KCNIP4: variants seen among roughly 807,000 people sequenced by gnomAD.
The protein encoded by KCNIP4 is Kv channel-interacting protein 4.
KCNIP4 carries 12 observed loss-of-function variants against 34.0 expected under a neutral mutation model. That is an observed-to-expected ratio of 0.35 (90% CI 0.23 to 0.57). The LOEUF (loss-of-function observed/expected upper bound fraction) is 0.57, where lower values mean the gene tolerates loss of function less well. Among genes scored for constraint, KCNIP4 ranks in the 20% least tolerant of loss-of-function variants. The pLI, the probability that KCNIP4 is intolerant of heterozygous loss-of-function variation, is 0.83. For missense variants in KCNIP4, 238 were observed against 311.7 expected (o/e 0.76, Z 1.78); for synonymous variants, 124 against 102.2 (o/e 1.21, Z -1.29).
chr4:21,587,565 C>A lies in KCNIP4; in HGVS notation c.61+361006G>T, dbSNP rs1173280270. ...CTGCAAACAACAACAACAACAACAA[C>A]AAAAACCACAACAGTAATAATGGCT... On this transcript the variant is annotated intron_variant, in intron 1 of 8. Transcript: ENST00000382152. Among the ~76,000 whole-genome samples the A allele has an allele frequency of 4.0e-5, 6 of 151,418 alleles. No homozygotes were observed. In the South Asian group the frequency reaches 8.4e-4, roughly 21 times the overall value.
chr4:21,519,817 G>A (rs896962041), intron 1 of KCNIP4, among the ~76,000 whole-genome samples: 3 of 139,502 alleles, frequency 2.2e-5, no homozygotes, highest in African/African-American at 8.2e-5. Flanking sequence ...GTATGTGTGT[G>A]TATACACACG....
chr4:20,966,335 T>A (rs779464767), intron 1 of KCNIP4, among the ~76,000 whole-genome samples: 13 of 152,208 alleles, frequency 8.5e-5, no homozygotes, highest in Non-Finnish European at 1.9e-4. Flanking sequence ...ACGTATAAAG[T>A]CACATATCCT....
In KCNIP4 at chr4:20,864,059, C is replaced by CAT. The variant is rs1486988516; in HGVS notation, c.164-13394_164-13393dup. The stretch of plus-strand genomic sequence containing the variant: ...GTATGTATACGCATGTATGTATACA[C>CAT]ATGTATGTATACGTATGTATGTATG... On this transcript the variant is annotated intron_variant, in intron 2 of 8. Coordinates refer to ENST00000382152, the MANE Select transcript of KCNIP4 (RefSeq NM_025221.6). Among the ~76,000 whole-genome samples, 412 of 127,044 alleles carry CAT rather than the reference C, an allele frequency of 3.2e-3. 3 individuals are homozygous for CAT. Among genetic ancestry groups the CAT allele is most frequent in the Non-Finnish European group, 5.1e-3 (306 of 59,516 alleles). The allele number at this position is 127,044 out of a possible 152,430, so 83.3% of individuals were successfully genotyped here. A position where few individuals can be genotyped will look rare whatever the true frequency, so the allele number is the denominator to read the frequency against.
At chr4:21,404,999 T>C (rs1205947620) in intron 1 of KCNIP4, among the ~76,000 whole-genome samples, 8 of 152,160 alleles carry the variant, frequency 5.3e-5, no homozygotes, top group Admixed American at 3.3e-4. Flanking sequence ...GCAAGAACCT[T>C]GATGTCAGTT....
chr4:20,918,055 T>C (rs911044704), intron 1 of KCNIP4, among the ~76,000 whole-genome samples: 9 of 152,148 alleles, frequency 5.9e-5, no homozygotes, highest in Admixed American at 3.9e-4. Flanking sequence ...CTGAAACTCT[T>C]CTGGTGGAAT....
chr4:21,094,181 A>T (rs1184565448), intron 1 of KCNIP4, among the ~76,000 whole-genome samples: 2 of 152,250 alleles, frequency 1.3e-5, no homozygotes, highest in African/African-American at 4.8e-5. Context: ...TTTAAAAACA[A>T]TAAATAACCC....
At chr4:21,443,902 C>A (rs1043158213) in intron 1 of KCNIP4, among the ~76,000 whole-genome samples, 2 of 151,870 alleles carry the variant, frequency 1.3e-5, no homozygotes, top group East Asian at 1.9e-4. Context: ...TGCACTCGAG[C>A]CTGGAATCAA....
chr4:21,770,517 T>C (rs890832392), intron 1 of KCNIP4, among the ~76,000 whole-genome samples: 2 of 152,164 alleles, frequency 1.3e-5, no homozygotes, highest in African/African-American at 4.8e-5. Context: ...TCTAGATCCT[T>C]GAGGAATCAC....
intron 1 of KCNIP4, among the ~76,000 whole-genome samples, chr4:21,411,813 G>A (rs536198509): frequency 6.6e-6 from 1 of 152,246 alleles, no homozygotes; most frequent in African/African-American, 2.4e-5. Context: ...ACTCCAGCCT[G>A]GGTGACAGAG....
chr4:20,935,899 C>T (rs888085770), intron 1 of KCNIP4, among the ~76,000 whole-genome samples: 6 of 151,554 alleles, frequency 4.0e-5, no homozygotes, highest in East Asian at 1.9e-4. Flanking sequence ...ATCATCACTC[C>T]CTCCTCTTCA....
intron 1 of KCNIP4, among the ~76,000 whole-genome samples, chr4:20,988,148 T>G (rs1364882921): frequency 1.3e-5 from 2 of 152,104 alleles, no homozygotes; most frequent in Non-Finnish European, 2.9e-5. Context: ...TTGGTAGAAC[T>G]GGGATTTGAA....
At chr4:20,960,410 T>A (rs1426817193) in intron 1 of KCNIP4, among the ~76,000 whole-genome samples, 1 of 152,170 alleles carries the variant, frequency 6.6e-6, no homozygotes, top group East Asian at 1.9e-4. Flanking sequence ...CAGCAAAAAA[T>A]CTGTCGTTTC....
chr4:21,208,176 T>C (rs545299943), intron 1 of KCNIP4, among the ~76,000 whole-genome samples: 2 of 152,270 alleles, frequency 1.3e-5, no homozygotes, highest in South Asian at 4.1e-4. Flanking sequence ...ATAGATCAAG[T>C]TTTTTCAATG....
At chr4:21,427,978 T>TA (rs57149067) in intron 1 of KCNIP4, among the ~76,000 whole-genome samples, 2,987 of 152,086 alleles carry the variant, frequency 0.02, 93 homozygotes, top group East Asian at 0.15. Context: ...TCTTATAACT[T>TA]AAAAAAAATG....
intron 5 of KCNIP4, among the ~76,000 whole-genome samples, chr4:20,737,384 G>C (rs987894110): frequency 6.6e-6 from 1 of 152,194 alleles, no homozygotes; most frequent in Non-Finnish European, 1.5e-5. Context: ...TAGGAGTGAA[G>C]AGTAATTTTT....
At chr4:21,908,068 C>T (rs1728097915) in intron 1 of KCNIP4, among the ~76,000 whole-genome samples, 1 of 152,068 alleles carries the variant, frequency 6.6e-6, no homozygotes, top group African/African-American at 2.4e-5. Flanking sequence ...CCAAAAGTCT[C>T]TGCCTGTAAT....
chr4:21,316,844 A>G (rs1713816891), intron 1 of KCNIP4, among the ~76,000 whole-genome samples: 1 of 152,148 alleles, frequency 6.6e-6, no homozygotes, highest in Non-Finnish European at 1.5e-5. Flanking sequence ...ATTCAAATGC[A>G]TTGTCTTGAA....
chr4:21,736,318 C>T (rs1251851407), intron 1 of KCNIP4, among the ~76,000 whole-genome samples: 1 of 152,176 alleles, frequency 6.6e-6, no homozygotes, highest in African/African-American at 2.4e-5. Flanking sequence ...ACCTCCCTTC[C>T]TATGGCTAGT....
intron 3 of KCNIP4, among the ~76,000 whole-genome samples, chr4:20,784,024 A>G (rs1711586377): frequency 6.6e-6 from 1 of 152,124 alleles, no homozygotes; most frequent in African/African-American, 2.4e-5. Context: ...GTATTCTCTG[A>G]GGCATCACAG....
Sources: gnomAD v4.1 joint callset for allele counts (sites outside exome capture counted in the v4.1 genomes callset) on GRCh38, gnomAD v4.1.1 for gene constraint, MANE v1.5 for transcripts, NCBI Gene and HGNC (gene_info 2026-07-23, HGNC 2026-07-21) for gene names.